Variants in ADAM22 observed in about 807,000 individuals in gnomAD.
The protein encoded by ADAM22 is ADAM metallopeptidase domain 22.
Under a neutral mutation model 144.6 loss-of-function variants are expected in ADAM22, and 65 were observed. The ratio of observed to expected loss-of-function variants is 0.45; its 90% CI spans 0.37 to 0.55. ADAM22 has a LOEUF of 0.55. ADAM22 is among the 20% of genes least tolerant of loss of function. The pLI, the probability that ADAM22 is intolerant of heterozygous loss-of-function variation, is 0.00. For synonymous variants in ADAM22, 391 were observed against 412.6 expected, an observed-to-expected ratio of 0.95 and a Z score of 0.63; for missense variants, 974 against 1,184.9, an observed-to-expected ratio of 0.82 and a Z score of 2.61.
At chr7:88,000,767 A>AT (rs1439977324) in intron 3 of ADAM22, among the ~76,000 whole-genome samples, 1 of 152,114 alleles carries the variant, frequency 6.6e-6, no homozygotes, top group East Asian at 1.9e-4. Context: ...GAATATGAAT[A>AT]TTTTTCCATT....
intron 3 of ADAM22, among the ~76,000 whole-genome samples, chr7:88,035,659 G>A (rs577930608): frequency 1.4e-4 from 22 of 152,106 alleles, no homozygotes; most frequent in East Asian, 7.7e-4. Context: ...AACAATTTAC[G>A]TAGCATTCAT....
chr7:88,189,239 C>G (rs915391915), intron 30 of ADAM22, among the ~76,000 whole-genome samples: 3 of 152,134 alleles, frequency 2.0e-5, no homozygotes, highest in African/African-American at 4.8e-5. Context: ...TATCTCGCCA[C>G]ACCCAGATCC....
At position 87,985,708 on chromosome 7, in the gene ADAM22, C is replaced by T. The variant is rs12667129; in HGVS notation, c.323+7296C>T. 5.8e-3 allele frequency among the ~76,000 whole-genome samples: 890 copies of T among 152,180 alleles called. 15 individuals carry two copies. Among genetic ancestry groups the T allele is most frequent in the East Asian group, 0.047 (241 of 5,176 alleles). On this transcript the variant is annotated intron_variant, in intron 3 of 31. Transcript: ENST00000413139. ...ATCACATTGTGACTATCCATTCACCCGATGGTGGACATTTGGTTTTTTTCT... is the reference window on the plus strand; with the variant it reads ...ATCACATTGTGACTATCCATTCACCTGATGGTGGACATTTGGTTTTTTTCT...
intron 30 of ADAM22, among the ~76,000 whole-genome samples, chr7:88,189,859 G>A (rs930086112): frequency 2.0e-5 from 3 of 152,016 alleles, no homozygotes; most frequent in Admixed American, 1.3e-4. Context: ...CGGGAGAATC[G>A]CTTGAACCTG....
At chr7:88,155,346 G>C (rs1411586124) in intron 21 of ADAM22, among the ~76,000 whole-genome samples, 2 of 151,778 alleles carry the variant, frequency 1.3e-5, no homozygotes, top group Non-Finnish European at 2.9e-5. Flanking sequence ...AACATAGTGA[G>C]ACCCTGTCTC....
intron 2 of ADAM22, among the ~76,000 whole-genome samples, chr7:87,936,077 T>C (rs1841181154): frequency 6.6e-6 from 1 of 152,258 alleles, no homozygotes; most frequent in African/African-American, 2.4e-5. Context: ...CCTTTTCACA[T>C]GTATAAATAT....
intron 3 of ADAM22, among the ~76,000 whole-genome samples, chr7:88,054,024 C>T (rs1279547270): frequency 2.6e-5 from 4 of 151,972 alleles, no homozygotes; most frequent in Middle Eastern, 3.4e-3. Flanking sequence ...TCCAGCTACT[C>T]GGGAGGCTGA....
chr7:88,125,512 G>A, intron 7 of ADAM22, 77 bp from the exon 8 acceptor site: 3 of 900,664 alleles, frequency 3.3e-6, no homozygotes, highest in South Asian at 3.0e-5. Context: ...TAAGAAGGAA[G>A]GGCAGGTAAA....
Position 88,108,210 on chromosome 7 carries a change from G to C in ADAM22, c.425G>C (p.Arg142Pro). 6.2e-7 allele frequency: 1 copy of C among 1,613,820 alleles called. No homozygotes were observed. Among genetic ancestry groups the C allele is most frequent in the Non-Finnish European group, 8.5e-7 (1 of 1,179,900 alleles). The change falls in exon 5 of 32, where the codon CGA becomes CCA. Residue 142 changes from arginine (R) to proline (P), a missense_variant. Physicochemically the swap from Arg to Pro is moderately radical, Grantham distance 103. Coordinates refer to ENST00000413139, the MANE Select transcript of ADAM22 (RefSeq NM_001324418.2). ...CACTGTTACTACCAGGGCCATATCC[G>C]AGGAAACCCTGACTCATTTGTTGCA... ...GEHCYYQGHI[R>P]GNPDSFVALS...
chr7:87,945,971 C>T (rs1468891579), intron 2 of ADAM22, among the ~76,000 whole-genome samples: 1 of 151,874 alleles, frequency 6.6e-6, no homozygotes, highest in Non-Finnish European at 1.5e-5. Context: ...TTGCTTTCCA[C>T]AGTGGCTGAA....
intron 4 of ADAM22, among the ~76,000 whole-genome samples, chr7:88,100,041 A>G (rs1455662121): frequency 6.6e-6 from 1 of 152,174 alleles, no homozygotes; most frequent in Middle Eastern, 3.2e-3. Context: ...GTAAATGGTA[A>G]TATACCAATG....
chr7:88,065,901 C>T (rs1811125809), intron 3 of ADAM22, among the ~76,000 whole-genome samples: 2 of 152,196 alleles, frequency 1.3e-5, no homozygotes, highest in Middle Eastern at 6.8e-3. Flanking sequence ...TTCTACAAAA[C>T]TCTATGCTCA....
At chr7:88,022,715 ATTC>A (rs1401184686) in intron 3 of ADAM22, among the ~76,000 whole-genome samples, 1 of 152,202 alleles carries the variant, frequency 6.6e-6, no homozygotes, top group Non-Finnish European at 1.5e-5. Flanking sequence ...TCATAAAATT[ATTC>A]TTTTACATAG....
chr7:88,085,576 C>A (rs1047047601), intron 4 of ADAM22, among the ~76,000 whole-genome samples: 6 of 152,070 alleles, frequency 3.9e-5, no homozygotes, highest in African/African-American at 1.4e-4. Context: ...CATGATAAAT[C>A]TTTTAGATTG....
intron 2 of ADAM22, among the ~76,000 whole-genome samples, chr7:87,977,668 T>A (rs539119152): frequency 6.6e-6 from 1 of 152,276 alleles, no homozygotes; most frequent in East Asian, 1.9e-4. Context: ...TGGGAAACAC[T>A]ATATTTTTTA....
chr7:88,195,608 CG>C (rs1484539479), intron 31 of ADAM22, among the ~76,000 whole-genome samples: 3 of 152,074 alleles, frequency 2.0e-5, no homozygotes, highest in Admixed American at 2.0e-4. Flanking sequence ...CTCCGCCTCC[CG>C]GGTTCACGCC....
intron 5 of ADAM22, among the ~76,000 whole-genome samples, chr7:88,112,419 A>T (rs1308266052): frequency 6.6e-6 from 1 of 152,248 alleles, no homozygotes; most frequent in East Asian, 1.9e-4. Context: ...AATGAAAGAC[A>T]AATACTAGTT....
chr7:88,181,413 A>T, intron 27 of ADAM22, 92 bp from the exon 28 acceptor site: 1 of 936,916 alleles, frequency 1.1e-6, no homozygotes, highest in Middle Eastern at 2.2e-4. Flanking sequence ...ATTTTATTTA[A>T]TGCACAGTAA....
intron 2 of ADAM22, among the ~76,000 whole-genome samples, chr7:87,962,922 G>C (rs540997928): frequency 6.6e-6 from 1 of 152,330 alleles, no homozygotes; most frequent in East Asian, 1.9e-4. Flanking sequence ...TTGTCTCGAA[G>C]ATCTGGAGTT....
Sources: allele counts gnomAD v4.1 joint callset (sites outside exome capture counted in the v4.1 genomes callset), GRCh38; gene constraint gnomAD v4.1.1; transcripts MANE v1.5; gene names NCBI Gene and HGNC (gene_info 2026-07-23, HGNC 2026-07-21).